TMEM163: variants seen among roughly 807,000 people sequenced by gnomAD.
The protein encoded by TMEM163 is transmembrane protein 163.
A neutral mutation model predicts 29.3 loss-of-function variants in TMEM163; 17 were observed. The observed-to-expected ratio is 0.58, with a 90% CI of 0.40 to 0.87. The LOEUF (loss-of-function observed/expected upper bound fraction) is 0.87, where lower values mean the gene tolerates loss of function less well. Among genes scored for constraint, TMEM163 ranks in the 40% least tolerant of loss-of-function variants. The pLI is 0.00. For synonymous variants in TMEM163, 157 were observed against 160.6 expected, an observed-to-expected ratio of 0.98 and a Z score of 0.17; for missense variants, 303 against 381.5, an observed-to-expected ratio of 0.79 and a Z score of 1.71.
chr2:134,456,878 A>C, intron 7 of TMEM163, 102 bp from the exon 8 acceptor site: 1 of 1,235,982 alleles, frequency 8.1e-7, no homozygotes, highest in Non-Finnish European at 1.1e-6. Flanking sequence ...TTCACATACC[A>C]TAAAATTCAC....
intron 5 of TMEM163, among the ~76,000 whole-genome samples, chr2:134,494,455 G>A (rs1026509799): frequency 2.6e-5 from 4 of 152,164 alleles, no homozygotes; most frequent in South Asian, 2.1e-4. Flanking sequence ...TGCTGACGGC[G>A]GATCTCGGAA....
intron 4 of TMEM163, among the ~76,000 whole-genome samples, chr2:134,543,155 G>C (rs16830773): frequency 0.13 from 19,106 of 152,092 alleles, 2,653 homozygotes; most frequent in African/African-American, 0.34. Flanking sequence ...CCTTCCTCTA[G>C]TGCATCTTAC....
intron 5 of TMEM163, among the ~76,000 whole-genome samples, chr2:134,491,703 C>T (rs1338187559): frequency 5.3e-5 from 8 of 152,202 alleles, no homozygotes; most frequent in Non-Finnish European, 8.8e-5. Flanking sequence ...CTGCCTACTT[C>T]AGAAACACCC....
chr2:134,503,001 C>CA lies in TMEM163; in HGVS notation c.459-5dup, dbSNP rs777190437. On this transcript the variant is annotated splice_polypyrimidine_tract_variant and splice_region_variant and intron_variant, in intron 4 of 7. Coordinates refer to ENST00000281924, the MANE Select transcript of TMEM163 (RefSeq NM_030923.5). The stretch of plus-strand genomic sequence containing the variant: ...CACCCCCAAGATGACACAGGCTCTG[C>CA]AAAAAACAAAACATTGAGAATCTTA... The CA allele has an allele frequency of 3.1e-6, 5 of 1,610,672 alleles. No homozygotes were observed. The African/African-American group carries it at 4.0e-5, about 13-fold the overall frequency.
At chr2:134,592,080 A>C (rs772736494) in intron 2 of TMEM163, among the ~76,000 whole-genome samples, 2 of 152,202 alleles carry the variant, frequency 1.3e-5, no homozygotes, top group Non-Finnish European at 2.9e-5. Context: ...ACAGGCCATA[A>C]GTGGATTCAA....
chr2:134,655,150 C>G (rs1394682930), intron 2 of TMEM163, among the ~76,000 whole-genome samples: 2 of 139,662 alleles, frequency 1.4e-5, no homozygotes, highest in Admixed American at 7.0e-5. Context: ...TGTTTTCCAA[C>G]TTGGTTCCAT....
chr2:134,716,041 A>G (rs569088810), intron 1 of TMEM163, among the ~76,000 whole-genome samples: 2 of 150,242 alleles, frequency 1.3e-5, no homozygotes, highest in East Asian at 3.9e-4. Context: ...ATTAGTTCCA[A>G]TTCCTTTCTC....
intron 4 of TMEM163, among the ~76,000 whole-genome samples, chr2:134,517,627 C>T (rs562499878): frequency 3.3e-4 from 51 of 152,276 alleles, no homozygotes; most frequent in Middle Eastern, 3.4e-3. Context: ...GAGTTCTTGT[C>T]ATTAACTTGG....
chr2:134,637,534 CAA>C (rs2104837352), intron 2 of TMEM163, among the ~76,000 whole-genome samples: 1 of 152,352 alleles, frequency 6.6e-6, no homozygotes, highest in East Asian at 1.9e-4. Flanking sequence ...AAAAATTCAT[CAA>C]GTCTACTATA....
intron 2 of TMEM163, among the ~76,000 whole-genome samples, chr2:134,702,747 T>G (rs1684730985): frequency 6.6e-6 from 1 of 152,070 alleles, no homozygotes; most frequent in African/African-American, 2.4e-5. Flanking sequence ...CTCAGACAAT[T>G]TTTTTAACTT....
At chr2:134,501,117 C>A (rs571436849) in intron 5 of TMEM163, among the ~76,000 whole-genome samples, 10 of 152,242 alleles carry the variant, frequency 6.6e-5, no homozygotes, top group African/African-American at 2.2e-4. Context: ...CATAAATTAT[C>A]ATTATTGTCA....
At chr2:134,681,351 T>C (rs1455533984) in intron 2 of TMEM163, among the ~76,000 whole-genome samples, 2 of 152,128 alleles carry the variant, frequency 1.3e-5, no homozygotes, top group Admixed American at 6.6e-5. Flanking sequence ...CCTCCTACCC[T>C]CTTCTCCAGC....
intron 1 of TMEM163, 37 bp from the exon 2 acceptor site, chr2:134,713,356 C>T (rs374432376): frequency 8.2e-5 from 132 of 1,610,900 alleles, no homozygotes; most frequent in Non-Finnish European, 1.0e-4. Flanking sequence ...TTAGACATTT[C>T]CTTACTAAGA....
intron 5 of TMEM163, among the ~76,000 whole-genome samples, chr2:134,493,055 G>A (rs1169184517): frequency 1.3e-5 from 2 of 152,164 alleles, no homozygotes; most frequent in African/African-American, 2.4e-5. Context: ...TAATGGATAT[G>A]TAGTGGTTTA....
chr2:134,526,378 A>G (rs1368931424), intron 4 of TMEM163, among the ~76,000 whole-genome samples: 2 of 152,172 alleles, frequency 1.3e-5, no homozygotes, highest in East Asian at 3.8e-4. Context: ...TTAACCCCAC[A>G]GAAGCCCCAC....
chr2:134,678,396 C>A (rs1229169953), intron 2 of TMEM163, among the ~76,000 whole-genome samples: 1 of 152,218 alleles, frequency 6.6e-6, no homozygotes. Flanking sequence ...TTCTCATTGG[C>A]TGCCTTTTCA....
Position 134,622,355 on chromosome 2 carries a change from G to A in TMEM163, c.323-70264C>T, listed in dbSNP as rs531992257. ...CTGCCCATCTCTCCATTGCCTCCAC[G>A]GCAGGGGGTCAGTGGCTTCACTTCT... On this transcript the variant is annotated intron_variant, in intron 2 of 7. Transcript: ENST00000281924. Among the ~76,000 whole-genome samples the A allele has an allele frequency of 5.9e-5, 9 of 152,290 alleles. No homozygotes were observed. In the South Asian group the frequency reaches 1.2e-3, roughly 21 times the overall value.
chr2:134,517,715 C>T (rs1680105311), intron 4 of TMEM163, among the ~76,000 whole-genome samples: 1 of 152,188 alleles, frequency 6.6e-6, no homozygotes, highest in Non-Finnish European at 1.5e-5. Flanking sequence ...CGCCAAGATC[C>T]TGACATACTA....
At chr2:134,551,709 A>C (rs993131705) in intron 3 of TMEM163, among the ~76,000 whole-genome samples, 1 of 152,180 alleles carries the variant, frequency 6.6e-6, no homozygotes, top group Non-Finnish European at 1.5e-5. Context: ...CACTCGCAGC[A>C]CATCTGCCTA....
Sources: gnomAD v4.1 joint callset for allele counts (sites outside exome capture counted in the v4.1 genomes callset) on GRCh38, gnomAD v4.1.1 for gene constraint, MANE v1.5 for transcripts, NCBI Gene and HGNC (gene_info 2026-07-23, HGNC 2026-07-21) for gene names.